MYO16: variants seen among roughly 807,000 people sequenced by gnomAD.
MYO16 encodes myosin XVI.
Under a neutral mutation model 205.3 loss-of-function variants are expected in MYO16, and 94 were observed. The ratio of observed to expected loss-of-function variants is 0.46; its 90% CI spans 0.39 to 0.54. MYO16 has a LOEUF of 0.54. MYO16 is among the 20% of genes least tolerant of loss of function. The probability of loss-of-function intolerance (pLI) is 0.00; values close to 1 mark genes in which losing one functional copy is unlikely to be tolerated. For missense variants in MYO16, 2,315 were observed against 2,387.5 expected, an observed-to-expected ratio of 0.97 and a Z score of 0.63; for synonymous variants, 988 against 954.0, an observed-to-expected ratio of 1.04 and a Z score of -0.66.
At chr13:108,850,786 T>C (rs531649838) in intron 10 of MYO16, among the ~76,000 whole-genome samples, 2 of 152,318 alleles carry the variant, frequency 1.3e-5, no homozygotes, top group East Asian at 3.9e-4. Flanking sequence ...AAGGAACTCT[T>C]CCCTTGATCT....
chr13:108,510,617 TC>T, the MYO16 span, among the ~76,000 whole-genome samples: 12 of 54,100 alleles, frequency 2.2e-4, no homozygotes, highest in Non-Finnish European at 4.1e-4. Context: ...ATGCTATCCC[TC>T]CCCCCTCCCC....
chr13:108,925,573 A>C (rs929222783), intron 16 of MYO16, among the ~76,000 whole-genome samples: 1 of 152,176 alleles, frequency 6.6e-6, no homozygotes, highest in Non-Finnish European at 1.5e-5. Context: ...TGGTTCCCCC[A>C]CCAAGTCTTC....
At chr13:108,917,556 C>T (rs1244305669) in intron 16 of MYO16, among the ~76,000 whole-genome samples, 1 of 152,176 alleles carries the variant, frequency 6.6e-6, no homozygotes, top group African/African-American at 2.4e-5. Context: ...ACAGGACCAT[C>T]AATAGTGTAG....
At chr13:108,926,334 C>T (rs1369279277) in intron 16 of MYO16, among the ~76,000 whole-genome samples, 1 of 152,172 alleles carries the variant, frequency 6.6e-6, no homozygotes, top group African/African-American at 2.4e-5. Context: ...ATTTGAAGTA[C>T]AATGCTCCTT....
intron 7 of MYO16, among the ~76,000 whole-genome samples, chr13:108,813,142 G>A (rs1394156601): frequency 6.6e-6 from 1 of 152,112 alleles, no homozygotes; most frequent in African/African-American, 2.4e-5. Flanking sequence ...TTTCAGAAAA[G>A]AAATACAAGG....
chr13:108,685,642 T>C (rs1164847694), intron 2 of MYO16, among the ~76,000 whole-genome samples: 1 of 152,214 alleles, frequency 6.6e-6, no homozygotes, highest in Non-Finnish European at 1.5e-5. Context: ...GTGATCCTGC[T>C]GACGGTCTAT....
At chr13:109,056,274 C>T (rs1887416065) in intron 27 of MYO16, among the ~76,000 whole-genome samples, 1 of 152,176 alleles carries the variant, frequency 6.6e-6, no homozygotes, top group South Asian at 2.1e-4. Flanking sequence ...TCCTCATCTT[C>T]ATGTCTGTAT....
At chr13:108,974,337 A>G (rs747771348) in intron 20 of MYO16, among the ~76,000 whole-genome samples, 2 of 152,042 alleles carry the variant, frequency 1.3e-5, no homozygotes, top group African/African-American at 2.4e-5. Flanking sequence ...GTGTATCTCA[A>G]CCTCTTCTAG....
At chr13:108,985,330 CAGCAGCA>C (rs1247414123) in intron 20 of MYO16, among the ~76,000 whole-genome samples, 2 of 152,204 alleles carry the variant, frequency 1.3e-5, no homozygotes, top group Non-Finnish European at 2.9e-5. Flanking sequence ...CAACATACAT[CAGCAGCA>C]AGCAGCCTCC....
upstream of MYO16, among the ~76,000 whole-genome samples, chr13:108,625,685 T>C (rs1879708295): frequency 6.6e-6 from 1 of 152,206 alleles, no homozygotes; most frequent in Non-Finnish European, 1.5e-5. Flanking sequence ...CCCAACCTAT[T>C]CACAGGGCAG....
At chr13:109,192,971 T>C (rs1205331510) in intron 34 of MYO16, among the ~76,000 whole-genome samples, 1 of 152,206 alleles carries the variant, frequency 6.6e-6, no homozygotes, top group Non-Finnish European at 1.5e-5. Context: ...CAATAATCTT[T>C]ATTCTTTAAG....
At chr13:109,138,304 C>T (rs1876873070) in intron 31 of MYO16, among the ~76,000 whole-genome samples, 1 of 152,178 alleles carries the variant, frequency 6.6e-6, no homozygotes, top group African/African-American at 2.4e-5. Flanking sequence ...CCTGCAGATA[C>T]AGAAAATACC....
intron 1 of MYO16, among the ~76,000 whole-genome samples, chr13:108,656,648 A>C (rs1235639945): frequency 6.6e-6 from 1 of 152,222 alleles, no homozygotes; most frequent in Non-Finnish European, 1.5e-5. Flanking sequence ...ATAAATGATA[A>C]AGTCAATTTT....
intron 9 of MYO16, among the ~76,000 whole-genome samples, chr13:108,829,771 A>G (rs955347483): frequency 1.3e-5 from 2 of 152,194 alleles, no homozygotes; most frequent in African/African-American, 4.8e-5. Flanking sequence ...ATGAAATAAT[A>G]TATAAGGCAG....
At chr13:108,726,516 G>T (rs548166891) in intron 3 of MYO16, among the ~76,000 whole-genome samples, 6 of 150,456 alleles carry the variant, frequency 4.0e-5, no homozygotes, top group African/African-American at 9.8e-5. Flanking sequence ...CTGAGATCGC[G>T]CCACTGCACT....
chr13:108,802,016 C>T (rs910282431), intron 6 of MYO16, among the ~76,000 whole-genome samples: 5 of 152,014 alleles, frequency 3.3e-5, no homozygotes, highest in African/African-American at 7.2e-5. Context: ...TGTGAATTTT[C>T]GATATATGTA....
At chr13:109,102,350 T>C (rs1566507169) in intron 28 of MYO16, among the ~76,000 whole-genome samples, 1 of 152,176 alleles carries the variant, frequency 6.6e-6, no homozygotes, top group Admixed American at 6.6e-5. Context: ...AATGGAATCA[T>C]TACTGAGATT....
At chr13:108,505,293 A>G in the MYO16 span, among the ~76,000 whole-genome samples, 59 of 152,264 alleles carry the variant, frequency 3.9e-4, no homozygotes, top group Non-Finnish European at 1.2e-4. Context: ...CAAGAGTTCA[A>G]GTTTCTCCAT....
At chr13:108,844,783 A>G (rs1045949532) in intron 10 of MYO16, among the ~76,000 whole-genome samples, 1 of 152,100 alleles carries the variant, frequency 6.6e-6, no homozygotes, top group East Asian at 1.9e-4. Context: ...GTCATTTGTC[A>G]TTATTTTGAT....
Sources: gnomAD v4.1 joint callset for allele counts (sites outside exome capture counted in the v4.1 genomes callset) on GRCh38, gnomAD v4.1.1 for gene constraint, MANE v1.5 for transcripts, NCBI Gene and HGNC (gene_info 2026-07-23, HGNC 2026-07-21) for gene names.